SPOUT1: variants seen among roughly 807,000 people sequenced by gnomAD.
SPOUT1 encodes the protein 28S rRNA (uridine-N(3))-methyltransferase.
In SPOUT1, 40 loss-of-function variants were observed where a neutral mutation model predicts 54.8. The ratio of observed to expected loss-of-function variants is 0.73; its 90% CI spans 0.57 to 0.95. The LOEUF (loss-of-function observed/expected upper bound fraction) is 0.95. Ranked by LOEUF, SPOUT1 falls within the 40% of genes least tolerant of loss-of-function variation. The pLI, the probability that SPOUT1 is intolerant of heterozygous loss-of-function variation, is 0.00. For synonymous variants in SPOUT1, 193 were observed against 200.3 expected, an observed-to-expected ratio of 0.96 and a Z score of 0.31; for missense variants, 437 against 499.5, an observed-to-expected ratio of 0.87 and a Z score of 1.19.
At chr9:128,823,932 G>A (rs565606582) in intron 10 of SPOUT1, 38 bp from the exon 11 acceptor site, 51 of 1,608,720 alleles carry the variant, frequency 3.2e-5, no homozygotes, top group African/African-American at 9.3e-5. Context: ...AGCGGCCACC[G>A]AGGCCCCACC....
In SPOUT1 at chr9:128,822,190, G is replaced by C. The variant is rs977738975; in HGVS notation, c.*575C>G. ...CCAGCCTCAAGGAGGAGCCAGGCAG[G>C]CTACAGAAGTCTCACAGTGAGGGCG... On this transcript the variant is annotated 3_prime_UTR_variant, in exon 12 of 12. Coordinates refer to ENST00000361256, the MANE Select transcript of SPOUT1 (RefSeq NM_016390.4). The C allele has an allele frequency of 2.0e-6, 2 of 1,006,674 alleles. No individual in the cohort carries two copies. The highest frequency in any genetic ancestry group is 2.7e-5 in the Admixed American group (1 of 37,580). The allele number at this position is 1,006,674 out of a possible 1,614,324, so 62.4% of individuals were successfully genotyped here. A position where few individuals can be genotyped will look rare whatever the true frequency, so the allele number is the denominator to read the frequency against.
chr9:128,822,559 C>T lies in SPOUT1; in HGVS notation c.*206G>A, dbSNP rs1830143415. Reference sequence around the variant, plus strand: ...CTTCGGGGCTGCTCTTTGTGCCAAACATCCTGGCGCGGGCAGGCAGCCTCA... The same window carrying T: ...CTTCGGGGCTGCTCTTTGTGCCAAATATCCTGGCGCGGGCAGGCAGCCTCA... On this transcript the variant is annotated 3_prime_UTR_variant, in exon 12 of 12. Coordinates refer to ENST00000361256, the MANE Select transcript of SPOUT1 (RefSeq NM_016390.4). The T allele has an allele frequency of 1.3e-6, 2 of 1,563,962 alleles. No homozygotes were observed. Among genetic ancestry groups the T allele is most frequent in the Non-Finnish European group, 1.7e-6 (2 of 1,153,842 alleles).
rs750255865 is a variant in SPOUT1, at chr9:128,822,570, G to A, written c.*195C>T. The A allele has an allele frequency of 7.0e-6, 11 of 1,566,726 alleles. No homozygotes were observed. The Middle Eastern group carries it at 5.0e-4, about 71-fold the overall frequency. The stretch of plus-strand genomic sequence containing the variant: ...CTCTTTGTGCCAAACATCCTGGCGC[G>A]GGCAGGCAGCCTCAAGGCCATCACG... On this transcript the variant is annotated 3_prime_UTR_variant, in exon 12 of 12. Transcript: ENST00000361256.
rs1303397510 is a variant in SPOUT1 at position 128,826,304 on chromosome 9, A to G, written c.508+80T>C. The G allele has an allele frequency of 6.4e-7, 1 of 1,571,054 alleles. No homozygotes were observed. Among genetic ancestry groups the G allele is most frequent in the African/African-American group, 1.3e-5 (1 of 74,078 alleles). On this transcript the variant is annotated intron_variant, in intron 6 of 11. Coordinates refer to ENST00000361256, the MANE Select transcript of SPOUT1 (RefSeq NM_016390.4). This position sits in a 1 kb window ranked among gnomAD's most constrained non-coding sequence, Gnocchi z 5.5. ...CCCAGGCCTGCTTTCCCACCTGGAC[A>G]GCGCAGGGTAGGACTGGGTGGTCTC...
chr9:128,828,393 G>A (rs890354838), intron 3 of SPOUT1, among the ~76,000 whole-genome samples: 5 of 152,076 alleles, frequency 3.3e-5, no homozygotes, highest in African/African-American at 1.2e-4. Context: ...CTACTCGGGG[G>A]GCCGAGGGAG....
At position 128,824,824 on chromosome 9, in the gene SPOUT1, C is replaced by T. The variant is rs369250014; in HGVS notation, c.758G>A (p.Arg253His). The change falls in exon 9 of 12, where the codon CGC becomes CAC. Residue 253 changes from arginine (R) to histidine (H), a missense_variant. Coordinates refer to ENST00000361256, the MANE Select transcript of SPOUT1 (RefSeq NM_016390.4). ...GCCCCAGTAGAGACCAGCTTTGGTG[C>T]GAGGGTCCTGCGATGATACCACTTT... The part of the protein sequence containing the change: ...HGKVVSSQDP[R>H]TKAGLYWGYT... The T allele has an allele frequency of 3.0e-5, 48 of 1,614,006 alleles. No homozygotes were observed. Among genetic ancestry groups the T allele is most frequent in the African/African-American group, 8.0e-5 (6 of 75,014 alleles).
At chr9:128,822,948 C>G in intron 11 of SPOUT1, 115 bp from the exon 12 acceptor site, 1 of 711,230 alleles carries the variant, frequency 1.4e-6, no homozygotes, top group Non-Finnish European at 2.3e-6. Context: ...GTCCCCTGTC[C>G]TTAGTAGGGC....
At position 128,822,106 on chromosome 9, in the gene SPOUT1, G is replaced by A. The variant is rs1301832616; in HGVS notation, c.*659C>T. ...GCGTTTATTGTCGCCCACTCTGCCT[G>A]ACCCAGTGTTGGGCATAAGGAAAAC... is the stretch of plus-strand genomic sequence containing the variant. On this transcript the variant is annotated 3_prime_UTR_variant, in exon 12 of 12. Coordinates refer to ENST00000361256, the MANE Select transcript of SPOUT1 (RefSeq NM_016390.4). 3.4e-6 allele frequency: 2 copies of A among 594,646 alleles called. No homozygotes were observed. The highest frequency in any genetic ancestry group is 5.7e-5 in the East Asian group (2 of 35,262). The allele number at this position is 594,646 out of a possible 1,614,324, so 36.8% of individuals were successfully genotyped here.
chr9:128,821,649 A>T lies in SPOUT1; in HGVS notation c.*1116T>A. The T allele has an allele frequency of 6.5e-6, 1 of 154,530 alleles. No homozygotes were observed. The highest frequency in any genetic ancestry group is 1.4e-5 in the Non-Finnish European group (1 of 69,746). The allele number at this position is 154,530 out of a possible 1,614,324, so 9.6% of individuals were successfully genotyped here. ...CTGCAGAGGGCTGGGGCTGAGAGGC[A>T]ACAGGTCCAGGCTGAGCAGCTCACT... On this transcript the variant is annotated 3_prime_UTR_variant, in exon 12 of 12. Transcript: ENST00000361256.
At chr9:128,829,419 G>C (rs972634006) in intron 1 of SPOUT1, among the ~76,000 whole-genome samples, 1 of 152,164 alleles carries the variant, frequency 6.6e-6, no homozygotes, top group African/African-American at 2.4e-5. Context: ...TGAGGCTCAG[G>C]GTACAGCACT....
At position 128,822,541 on chromosome 9, in the gene SPOUT1, G is replaced by C. The variant is rs774163120; in HGVS notation, c.*224C>G. The C allele has an allele frequency of 6.4e-7, 1 of 1,559,892 alleles. No homozygotes were observed. Among genetic ancestry groups the C allele is most frequent in the African/African-American group, 1.4e-5 (1 of 73,788 alleles). ...TCGAGAGCATTGAGCGGGCTTCGGG[G>C]CTGCTCTTTGTGCCAAACATCCTGG... On this transcript the variant is annotated 3_prime_UTR_variant, in exon 12 of 12. Transcript: ENST00000361256.
rs1004633029 is a variant in SPOUT1 at position 128,827,036 on chromosome 9, C to T, written c.364G>A (p.Ala122Thr). 8 of 1,613,528 alleles carry T rather than the reference C, an allele frequency of 5.0e-6. No homozygotes were observed. The highest frequency in any genetic ancestry group is 2.2e-5 in the East Asian group (1 of 44,888). ...CCCTGTGGGATGGCCCCTTACTTGG[C>T]ATCCTGGCCCTCCTCATCAAACACC... ...IVVFDEEGQD[A>T]KTVEGEFTGV... The change falls in exon 4 of 12, where the codon GCC becomes ACC. Residue 122 changes from alanine to threonine, a missense_variant. By Grantham distance (58) the Ala-to-Thr change is moderately conservative. Transcript: ENST00000361256.
At position 128,823,908 on chromosome 9, in the gene SPOUT1, G is replaced by A. The variant is rs373727448; in HGVS notation, c.915-14C>T. The A allele has an allele frequency of 2.3e-4, 365 of 1,612,126 alleles. No homozygotes were observed. Among genetic ancestry groups the A allele is most frequent in the Non-Finnish European group, 2.9e-4 (347 of 1,179,442 alleles). ...ACAAGAGCATGCCTGGCCCATGTAAGAGGGGGTCACCTGAGCGGCCACCGA... is the reference window on the plus strand; with the variant it reads ...ACAAGAGCATGCCTGGCCCATGTAAAAGGGGGTCACCTGAGCGGCCACCGA... On this transcript the variant is annotated splice_polypyrimidine_tract_variant and intron_variant, in intron 10 of 11. Transcript: ENST00000361256.
At chr9:128,825,090 G>A (rs2118803131) in intron 7 of SPOUT1, 41 bp from the exon 8 acceptor site, 1 of 1,439,696 alleles carries the variant, frequency 6.9e-7, no homozygotes. Context: ...TTCCTCTCAA[G>A]ATCAGCAGGG....
Position 128,826,978 on chromosome 9 carries a change from C to A in SPOUT1, c.368+54G>T. On this transcript the variant is annotated intron_variant, in intron 4 of 11. Transcript: ENST00000361256. This position sits in a 1 kb window ranked among gnomAD's most constrained non-coding sequence, Gnocchi z 5.5. ...GGCCATGGTGAAGCCTCGGCCCATC[C>A]CGGCAGCCCCTCCCTCTCCCTGAAC... The A allele has an allele frequency of 6.3e-7, 1 of 1,574,986 alleles. No homozygotes were observed. The highest frequency in any genetic ancestry group is 1.3e-5 in the African/African-American group (1 of 74,388).
chr9:128,822,717 C>T lies in SPOUT1; in HGVS notation c.*48G>A. 2 of 1,555,842 alleles carry T rather than the reference C, an allele frequency of 1.3e-6. No individual in the cohort carries two copies. The highest frequency in any genetic ancestry group is 2.4e-5 in the East Asian group (1 of 41,458). On this transcript the variant is annotated 3_prime_UTR_variant, in exon 12 of 12. Transcript: ENST00000361256. ...GTCCGTCCCAAGTGACCTGCAGAGC[C>T]CCTGGTTTCACTGCTGCTTCACTGA...
chr9:128,827,869 G>A (rs892168513), intron 3 of SPOUT1, among the ~76,000 whole-genome samples: 10 of 152,272 alleles, frequency 6.6e-5, no homozygotes, highest in Admixed American at 2.0e-4. Flanking sequence ...TGCAGTGAGC[G>A]GAGATCGAGC....
rs201630640 is a variant in SPOUT1 at position 128,827,049 on chromosome 9, C to G, written c.351G>C (p.Glu117Asp). Residue 117 changes from glutamate to aspartate, a missense_variant, in exon 4 of 12, where the codon GAG becomes GAC. Coordinates refer to ENST00000361256, the MANE Select transcript of SPOUT1 (RefSeq NM_016390.4). ...FCVDEIVVFD[E>D]EGQDAKTVEG... is the part of the protein sequence containing the mutation. ...CCCCTTACTTGGCATCCTGGCCCTC[C>G]TCATCAAACACCACGATCTCATCCA... 9.4e-5 allele frequency: 152 copies of G among 1,614,068 alleles called. No individual in the cohort carries two copies. In the East Asian group the frequency reaches 2.7e-3, roughly 28 times the overall value.
Position 128,828,872 on chromosome 9 carries a change from A to AG in SPOUT1, c.83-13_83-12insC. 6.2e-7 allele frequency: 1 copy of AG among 1,614,024 alleles called. No individual in the cohort carries two copies. The highest frequency in any genetic ancestry group is 8.5e-7 in the Non-Finnish European group (1 of 1,179,986). ...TTTCTCCTCTTTCTCTGGATAAAAG[A>AG]ACATCCTAATTGGCCAAGGAGACAG... is the stretch of plus-strand genomic sequence containing the variant. On this transcript the variant is annotated splice_polypyrimidine_tract_variant and intron_variant, in intron 2 of 11. Transcript: ENST00000361256.
Sources: gnomAD v4.1 joint callset for allele counts (sites outside exome capture counted in the v4.1 genomes callset) on GRCh38, gnomAD v4.1.1 for gene constraint, Gnocchi (gnomAD v3.1) non-coding constraint, MANE v1.5 for transcripts, NCBI Gene and HGNC (gene_info 2026-07-23, HGNC 2026-07-21) for gene names.